Variants in PIK3C2G observed in about 807,000 individuals in gnomAD.
PIK3C2G encodes phosphatidylinositol 3-kinase C2 domain-containing subunit gamma.
Under a neutral mutation model 181.1 loss-of-function variants are expected in PIK3C2G, and 168 were observed. That is an observed-to-expected ratio of 0.93 (90% CI 0.82 to 1.05). PIK3C2G has a LOEUF of 1.05. Among genes scored for constraint, PIK3C2G ranks in the 50% least tolerant of loss-of-function variants. PIK3C2G has a pLI of 0.00. For missense variants in PIK3C2G, 1,869 were observed against 1,732.8 expected, an observed-to-expected ratio of 1.08 and a Z score of -1.40; for synonymous variants, 573 against 592.2, an observed-to-expected ratio of 0.97 and a Z score of 0.47.
At chr12:18,701,925 T>A in the PIK3C2G span, 5 of 1,166,408 alleles carry the variant, frequency 4.3e-6, no homozygotes, top group Non-Finnish European at 5.9e-6. Flanking sequence ...CCTATTCACA[T>A]CTCAGTAGAG....
the PIK3C2G span, among the ~76,000 whole-genome samples, chr12:18,715,043 T>C: frequency 6.6e-6 from 1 of 151,510 alleles, no homozygotes; most frequent in Non-Finnish European, 1.5e-5. Flanking sequence ...TCATATGCAG[T>C]CCCTTTCTAG....
intron 13 of PIK3C2G, among the ~76,000 whole-genome samples, chr12:18,380,075 G>A (rs946293443): frequency 6.6e-6 from 1 of 152,128 alleles, no homozygotes; most frequent in Non-Finnish European, 1.5e-5. Context: ...GATCTGAAAC[G>A]GGGAGTGAGA....
chr12:18,455,315 C>T (rs1032687800), intron 18 of PIK3C2G, among the ~76,000 whole-genome samples: 8 of 151,888 alleles, frequency 5.3e-5, no homozygotes, highest in African/African-American at 1.9e-4. Context: ...TCAGAAGATG[C>T]CTCCCACCTA....
At chr12:18,635,527 G>A (rs1157329637) in intron 31 of PIK3C2G, among the ~76,000 whole-genome samples, 1 of 152,180 alleles carries the variant, frequency 6.6e-6, no homozygotes, top group Admixed American at 6.5e-5. Context: ...CTAAGGCCTA[G>A]TAGCAGGTCA....
chr12:18,245,649 C>T (rs1948032315), upstream of PIK3C2G, among the ~76,000 whole-genome samples: 1 of 151,954 alleles, frequency 6.6e-6, no homozygotes, highest in Non-Finnish European at 1.5e-5. Flanking sequence ...TTTAAGGTTG[C>T]TAGTCGTTAT....
At chr12:18,503,520 G>GCCC in intron 23 of PIK3C2G, 103 bp downstream of exon 23, 3 of 758,674 alleles carry the variant, frequency 4.0e-6, no homozygotes, top group Non-Finnish European at 3.9e-6. Context: ...AGTGCACTTT[G>GCCC]AGTTCTAATT....
the PIK3C2G span, among the ~76,000 whole-genome samples, chr12:18,703,235 A>G: frequency 6.6e-6 from 1 of 152,204 alleles, no homozygotes; most frequent in Non-Finnish European, 1.5e-5. Flanking sequence ...TTATGCCACA[A>G]AAGAACCGTG....
the PIK3C2G span, chr12:18,712,691 T>C: frequency 1.1e-6 from 1 of 950,004 alleles, no homozygotes; most frequent in Non-Finnish European, 1.6e-6. Context: ...TTTAACTATA[T>C]ACAACATGGA....
At chr12:18,530,849 C>T (rs1178110124) in intron 24 of PIK3C2G, among the ~76,000 whole-genome samples, 1 of 152,076 alleles carries the variant, frequency 6.6e-6, no homozygotes, top group Non-Finnish European at 1.5e-5. Context: ...TGAGGCCTCC[C>T]CATCCATGCC....
intron 11 of PIK3C2G, among the ~76,000 whole-genome samples, chr12:18,355,592 C>G (rs1940648988): frequency 6.6e-6 from 1 of 152,096 alleles, no homozygotes; most frequent in Admixed American, 6.6e-5. Flanking sequence ...CAAAGACTAC[C>G]CTGGGGCCTG....
At chr12:18,642,843 A>C (rs1160120718) in intron 32 of PIK3C2G, among the ~76,000 whole-genome samples, 3 of 151,518 alleles carry the variant, frequency 2.0e-5, no homozygotes, top group Non-Finnish European at 4.4e-5. Context: ...AAATACATGT[A>C]TATACTGCAT....
At chr12:18,263,389 G>T (rs1948335821) in intron 1 of PIK3C2G, among the ~76,000 whole-genome samples, 1 of 151,894 alleles carries the variant, frequency 6.6e-6, no homozygotes, top group African/African-American at 2.4e-5. Flanking sequence ...TCCTTATAAA[G>T]GTATAAATTC....
chr12:18,703,557 A>T, the PIK3C2G span, among the ~76,000 whole-genome samples: 1 of 152,174 alleles, frequency 6.6e-6, no homozygotes. Context: ...TGACTAAATG[A>T]CCTTAGAGAT....
intron 1 of PIK3C2G, among the ~76,000 whole-genome samples, chr12:18,255,218 A>T (rs1337514494): frequency 2.2e-5 from 2 of 92,792 alleles, no homozygotes; most frequent in Non-Finnish European, 4.0e-5. Context: ...CCGTCTCAAA[A>T]ATAAATAAAT....
At chr12:18,606,863 A>G (rs907505553) in intron 30 of PIK3C2G, among the ~76,000 whole-genome samples, 1 of 152,160 alleles carries the variant, frequency 6.6e-6, no homozygotes, top group African/African-American at 2.4e-5. Flanking sequence ...ATCCTTGGGA[A>G]GTAAACAATA....
intron 1 of PIK3C2G, among the ~76,000 whole-genome samples, chr12:18,278,282 A>C (rs2137097615): frequency 6.6e-6 from 1 of 152,266 alleles, no homozygotes; most frequent in South Asian, 2.1e-4. Flanking sequence ...TGACCATTAC[A>C]GCCTCTAGAG....
intron 31 of PIK3C2G, among the ~76,000 whole-genome samples, chr12:18,631,137 A>G (rs187587179): frequency 8.4e-4 from 128 of 152,308 alleles, no homozygotes; most frequent in African/African-American, 2.9e-3. Flanking sequence ...TCTTTAATAA[A>G]TTATTTGAGA....
At chr12:18,506,587 G>A (rs1941853375) in intron 24 of PIK3C2G, among the ~76,000 whole-genome samples, 1 of 152,172 alleles carries the variant, frequency 6.6e-6, no homozygotes. Flanking sequence ...GGTCAGAGAA[G>A]AAAACATTCA....
rs745371375 is a variant in PIK3C2G, at chr12:18,292,210, CA to C, written c.919+1216del. Among the ~76,000 whole-genome samples the C allele has an allele frequency of 7.9e-3, 226 of 28,580 alleles. 1 individual carries two copies. Among genetic ancestry groups the C allele is most frequent in the South Asian group, 0.033 (27 of 810 alleles). 18.7% of individuals were successfully genotyped at this position (28,580 alleles called of 152,430 possible). On this transcript the variant is annotated intron_variant, in intron 4 of 32. Transcript: ENST00000538779. Reference sequence around the variant, plus strand: ...GGGCAACAAGAGCAAAACTCCATCTCAAAAAAAAAAAAAAAAAATATATATA... The same window carrying C: ...GGGCAACAAGAGCAAAACTCCATCTCAAAAAAAAAAAAAAAAATATATATA...
Sources: gnomAD v4.1 joint callset for allele counts (sites outside exome capture counted in the v4.1 genomes callset) on GRCh38, gnomAD v4.1.1 for gene constraint, MANE v1.5 for transcripts, NCBI Gene and HGNC (gene_info 2026-07-23, HGNC 2026-07-21) for gene names.